PCED1B: variants seen among roughly 807,000 people sequenced by gnomAD.
The protein encoded by PCED1B is PC-esterase domain containing 1B.
For synonymous variants in PCED1B, 251 were observed against 246.1 expected (o/e 1.02, Z -0.19); for missense variants, 573 against 573.9 (o/e 1.00, Z 0.02).
chr12:47,146,545 C>G (rs758940714), intron 2 of PCED1B, among the ~76,000 whole-genome samples: 2 of 152,168 alleles, frequency 1.3e-5, no homozygotes, highest in Non-Finnish European at 2.9e-5. Context: ...GCCACAACCA[C>G]CCCAATCTTC....
rs375764659 is a variant in PCED1B, at chr12:47,121,286, C to T, written c.-526+17091C>T. ...TTTGGCAGAAGGCAGGGGCTTCTCA[C>T]TTGTTTTTGCATGGTTCCTTTCATG... On this transcript the variant is annotated intron_variant, in intron 2 of 3. Transcript: ENST00000546455. Among the ~76,000 whole-genome samples the T allele has an allele frequency of 2.0e-5, 3 of 152,188 alleles. No individual in the cohort carries two copies. In the East Asian group the frequency reaches 5.8e-4, roughly 29 times the overall value.
rs377113132 is a variant in PCED1B at position 47,142,827 on chromosome 12, T to A, written c.-526+38632T>A. 7.9e-3 allele frequency among the ~76,000 whole-genome samples: 1,208 copies of A among 151,982 alleles called. 7 individuals are homozygous for A. Among genetic ancestry groups the A allele is most frequent in the Non-Finnish European group, 0.013 (903 of 67,982 alleles). ...TTAAGAAAGCATAATAAAGAAGCCA[T>A]GCGATACTATCAAGCAAATGAATTT... On this transcript the variant is annotated intron_variant, in intron 2 of 3. Coordinates refer to ENST00000546455, the MANE Select transcript of PCED1B (RefSeq NM_138371.3).
At chr12:47,195,856 G>A (rs367632936) in intron 2 of PCED1B, among the ~76,000 whole-genome samples, 2 of 152,272 alleles carry the variant, frequency 1.3e-5, no homozygotes, top group South Asian at 2.1e-4. Flanking sequence ...ATAGCAGTCA[G>A]AACTTAATGT....
Position 47,235,300 on chromosome 12 carries a change from C to G in PCED1B, c.237C>G (p.Val79=), listed in dbSNP as rs2543738. The change falls in exon 4 of 4, where the codon GTC becomes GTG. Residue 79 remains valine (V), a synonymous_variant. Coordinates refer to ENST00000546455, the MANE Select transcript of PCED1B (RefSeq NM_138371.3). ...HMHNGLNYRE[V]REFRSDHHLV... ...ACAACGGCCTTAACTACCGTGAGGT[C>G]CGCGAGTTCCGCTCCGACCACCATC... 6.2e-7 allele frequency: 1 copy of G among 1,614,068 alleles called. No individual in the cohort carries two copies. Among genetic ancestry groups the G allele is most frequent in the Non-Finnish European group, 8.5e-7 (1 of 1,180,040 alleles).
At chr12:47,093,152 T>A (rs555359200) in intron 1 of PCED1B, among the ~76,000 whole-genome samples, 176 of 151,972 alleles carry the variant, frequency 1.2e-3, no homozygotes, top group African/African-American at 4.1e-3. Context: ...GGGCTTAATT[T>A]TAAAAAAAAA....
intron 2 of PCED1B, among the ~76,000 whole-genome samples, chr12:47,144,522 T>A (rs1940714793): frequency 6.6e-6 from 1 of 152,214 alleles, no homozygotes; most frequent in Non-Finnish European, 1.5e-5. Flanking sequence ...TTTTCCATTC[T>A]GCTTCTCCTT....
chr12:47,216,949 G>T (rs1943277016), intron 3 of PCED1B, among the ~76,000 whole-genome samples: 1 of 152,168 alleles, frequency 6.6e-6, no homozygotes, highest in African/African-American at 2.4e-5. Flanking sequence ...CTGGAGAAGG[G>T]ACGTGAGGCA....
chr12:47,092,873 T>A (rs1382899837), intron 1 of PCED1B, among the ~76,000 whole-genome samples: 2 of 152,108 alleles, frequency 1.3e-5, no homozygotes, highest in Non-Finnish European at 2.9e-5. Flanking sequence ...CCATTTACTG[T>A]ATCAATGGAT....
At chr12:47,188,425 A>G (rs1592258752) in intron 2 of PCED1B, among the ~76,000 whole-genome samples, 2 of 152,178 alleles carry the variant, frequency 1.3e-5, no homozygotes, top group Admixed American at 6.5e-5. Flanking sequence ...TGTGAGCCAT[A>G]TATGTCCCTG....
chr12:47,165,160 T>G (rs984583400), intron 2 of PCED1B, among the ~76,000 whole-genome samples: 1 of 152,206 alleles, frequency 6.6e-6, no homozygotes, highest in Admixed American at 6.5e-5. Context: ...ATCTTCTAAG[T>G]CCAAACTGTG....
At chr12:47,133,539 G>T (rs1940220972) in intron 2 of PCED1B, among the ~76,000 whole-genome samples, 1 of 152,134 alleles carries the variant, frequency 6.6e-6, no homozygotes, top group Non-Finnish European at 1.5e-5. Flanking sequence ...GTGAGATGTG[G>T]GTTCAAGCCT....
chr12:47,126,914 G>C (rs1205871731), intron 2 of PCED1B, among the ~76,000 whole-genome samples: 1 of 152,126 alleles, frequency 6.6e-6, no homozygotes, highest in Admixed American at 6.5e-5. Flanking sequence ...GTTTTGGCTA[G>C]AGGTTTATTC....
intron 1 of PCED1B, among the ~76,000 whole-genome samples, chr12:47,088,738 G>C (rs1938108561): frequency 6.6e-6 from 1 of 152,196 alleles, no homozygotes; most frequent in Non-Finnish European, 1.5e-5. Context: ...ATCTGAACAA[G>C]TTGCTGAAGG....
chr12:47,203,093 C>A (rs1253088912), intron 2 of PCED1B, among the ~76,000 whole-genome samples: 1 of 151,902 alleles, frequency 6.6e-6, no homozygotes, highest in Non-Finnish European at 1.5e-5. Flanking sequence ...CCTCAGCCCC[C>A]CAAGTAACTG....
In PCED1B at chr12:47,081,747, C is replaced by G. The variant is rs189150385; in HGVS notation, c.-609+2022C>G. ...TATTTTTTAAATGACTAATAAATGA[C>G]CAGGTTTTTGCAGGATTTTACTAAT... On this transcript the variant is annotated intron_variant, in intron 1 of 3. Transcript: ENST00000546455. 3.3e-4 allele frequency among the ~76,000 whole-genome samples: 50 copies of G among 152,160 alleles called. No individual in the cohort carries two copies. In the East Asian group the frequency reaches 8.1e-3, roughly 25 times the overall value.
intron 2 of PCED1B, among the ~76,000 whole-genome samples, chr12:47,181,520 T>C (rs1195718930): frequency 6.6e-6 from 1 of 151,882 alleles, no homozygotes; most frequent in Non-Finnish European, 1.5e-5. Flanking sequence ...TGCACCACCA[T>C]GCCTGGCTAA....
intron 2 of PCED1B, among the ~76,000 whole-genome samples, chr12:47,163,843 A>G (rs1941463421): frequency 6.6e-6 from 1 of 152,192 alleles, no homozygotes; most frequent in South Asian, 2.1e-4. Flanking sequence ...GGCTAAAAAC[A>G]TGGTGGAGAA....
At chr12:47,130,274 G>A (rs1003478925) in intron 2 of PCED1B, among the ~76,000 whole-genome samples, 9 of 152,246 alleles carry the variant, frequency 5.9e-5, no homozygotes, top group African/African-American at 2.2e-4. Flanking sequence ...AAAAAGGGTA[G>A]GGTAGATAGG....
chr12:47,208,088 A>C (rs1416893439), intron 2 of PCED1B, among the ~76,000 whole-genome samples: 1 of 152,026 alleles, frequency 6.6e-6, no homozygotes, highest in Non-Finnish European at 1.5e-5. Context: ...TTAAATAAAT[A>C]AGCTATAAGA....
Sources: allele counts gnomAD v4.1 joint callset (sites outside exome capture counted in the v4.1 genomes callset), GRCh38; gene constraint gnomAD v4.1.1; transcripts MANE v1.5; gene names NCBI Gene and HGNC (gene_info 2026-07-23, HGNC 2026-07-21).